Variants in TTC28 observed in about 807,000 individuals in gnomAD.
TTC28 encodes tetratricopeptide repeat domain 28.
In TTC28, 61 loss-of-function variants were observed where a neutral mutation model predicts 198.0. The observed-to-expected ratio is 0.31, with a 90% CI of 0.25 to 0.38. The LOEUF is 0.38. Among genes scored for constraint, TTC28 ranks in the 10% least tolerant of loss-of-function variants. The pLI is 1.00. For missense variants in TTC28, 2,678 were observed against 3,164.0 expected (o/e 0.85, Z 3.69); for synonymous variants, 1,171 against 1,297.8 (o/e 0.90, Z 2.10).
chr22:28,304,971 A>ATTTAT (rs374311864), intron 3 of TTC28, among the ~76,000 whole-genome samples: 7 of 147,884 alleles, frequency 4.7e-5, no homozygotes, highest in East Asian at 2.0e-4. Context: ...TTGTTTATTT[A>ATTTAT]TTATTTATTT....
chr22:28,113,911 G>A (rs1942559974), intron 6 of TTC28, among the ~76,000 whole-genome samples: 1 of 152,170 alleles, frequency 6.6e-6, no homozygotes, highest in Non-Finnish European at 1.5e-5. Flanking sequence ...TTTGGATCAG[G>A]AAACTGTTCC....
At chr22:28,671,663 A>G (rs2051889065) in intron 1 of TTC28, among the ~76,000 whole-genome samples, 1 of 145,590 alleles carries the variant, frequency 6.9e-6, no homozygotes, top group Admixed American at 6.9e-5. Flanking sequence ...AATTTCTTCC[A>G]TTATGTGGAT....
chr22:28,621,799 A>T (rs2051004927), intron 2 of TTC28, among the ~76,000 whole-genome samples: 1 of 151,646 alleles, frequency 6.6e-6, no homozygotes, highest in Non-Finnish European at 1.5e-5. Context: ...AAGAGTATGA[A>T]GGAATTATTT....
chr22:28,633,786 G>T (rs948455612), intron 1 of TTC28, among the ~76,000 whole-genome samples: 18 of 152,116 alleles, frequency 1.2e-4, no homozygotes, highest in African/African-American at 3.6e-4. Context: ...AGGTCCTCAG[G>T]AGACAAGGAT....
intron 2 of TTC28, among the ~76,000 whole-genome samples, chr22:28,457,480 C>G (rs1198708510): frequency 6.6e-6 from 1 of 152,196 alleles, no homozygotes; most frequent in Non-Finnish European, 1.5e-5. Flanking sequence ...TTCCAACCTA[C>G]AAGAAACCTA....
At chr22:28,071,693 C>A (rs1278847471) in intron 12 of TTC28, among the ~76,000 whole-genome samples, 1 of 138,944 alleles carries the variant, frequency 7.2e-6, no homozygotes, top group Non-Finnish European at 1.5e-5. Flanking sequence ...TGTAACTAAC[C>A]TGCACAATGT....
intron 2 of TTC28, among the ~76,000 whole-genome samples, chr22:28,319,782 A>C (rs1197327067): frequency 2.0e-5 from 3 of 152,182 alleles, no homozygotes; most frequent in African/African-American, 7.2e-5. Flanking sequence ...ATTTGAAGGG[A>C]AAAGAAAGAG....
intron 2 of TTC28, among the ~76,000 whole-genome samples, chr22:28,321,228 T>C (rs905120602): frequency 1.3e-5 from 2 of 152,206 alleles, no homozygotes; most frequent in African/African-American, 2.4e-5. Flanking sequence ...GAGTTGCAAG[T>C]ATAGTGGCCT....
chr22:28,366,720 A>C (rs1462783930), intron 2 of TTC28, among the ~76,000 whole-genome samples: 6 of 152,122 alleles, frequency 3.9e-5, no homozygotes, highest in Non-Finnish European at 8.8e-5. Flanking sequence ...AAAGATACAC[A>C]TAGACTGAAA....
chr22:28,055,128 A>G (rs142515860), intron 12 of TTC28, among the ~76,000 whole-genome samples: 14 of 152,340 alleles, frequency 9.2e-5, no homozygotes, highest in African/African-American at 3.4e-4. Context: ...CTGAGTTAAA[A>G]AGCAGTGAAA....
At position 28,475,157 on chromosome 22, in the gene TTC28, A is replaced by C. The variant is rs1395416527; in HGVS notation, c.381+154395T>G. 3.4e-5 allele frequency among the ~76,000 whole-genome samples: 5 copies of C among 148,714 alleles called. No individual in the cohort carries two copies. In the East Asian group the frequency reaches 9.7e-4, roughly 29 times the overall value. On this transcript the variant is annotated intron_variant, in intron 2 of 22. Transcript: ENST00000397906. Reference sequence around the variant, plus strand: ...AGAGCGAGACTCCATCTCAAAAAAAAAAAAAAAAAAAAAAAGAAAGAAAAG... The same window carrying C: ...AGAGCGAGACTCCATCTCAAAAAAACAAAAAAAAAAAAAAAGAAAGAAAAG...
intron 5 of TTC28, among the ~76,000 whole-genome samples, chr22:28,240,791 G>A (rs1929604669): frequency 6.6e-6 from 1 of 152,186 alleles, no homozygotes; most frequent in Non-Finnish European, 1.5e-5. Flanking sequence ...GAATAATGGA[G>A]ACAAGTCAAA....
At chr22:28,153,129 T>A (rs1601393175) in intron 6 of TTC28, among the ~76,000 whole-genome samples, 1 of 152,170 alleles carries the variant, frequency 6.6e-6, no homozygotes, top group South Asian at 2.1e-4. Context: ...GATTTTAATG[T>A]TCAAATATGA....
intron 2 of TTC28, among the ~76,000 whole-genome samples, chr22:28,392,025 G>A (rs1421475943): frequency 1.3e-5 from 2 of 152,164 alleles, no homozygotes; most frequent in African/African-American, 2.4e-5. Context: ...TTTTTGGTGT[G>A]GATGTCCTTT....
At chr22:28,542,135 A>G (rs891631512) in intron 2 of TTC28, among the ~76,000 whole-genome samples, 11 of 152,110 alleles carry the variant, frequency 7.2e-5, no homozygotes, top group African/African-American at 9.7e-5. Context: ...TACAAGCATA[A>G]GCCACCATAC....
chr22:28,657,955 T>A (rs916782684), intron 1 of TTC28, among the ~76,000 whole-genome samples: 1 of 152,170 alleles, frequency 6.6e-6, no homozygotes, highest in African/African-American at 2.4e-5. Context: ...TGGTCCATGT[T>A]CCTTAATATT....
At chr22:28,671,212 T>C (rs2051875576) in intron 1 of TTC28, among the ~76,000 whole-genome samples, 1 of 152,058 alleles carries the variant, frequency 6.6e-6, no homozygotes, top group African/African-American at 2.4e-5. Flanking sequence ...CCCAAAGTGC[T>C]AGGATTACAG....
At chr22:28,216,906 G>C (rs1381038912) in intron 5 of TTC28, among the ~76,000 whole-genome samples, 1 of 152,012 alleles carries the variant, frequency 6.6e-6, no homozygotes, top group African/African-American at 2.4e-5. Context: ...TTTTTGTAGA[G>C]ACAGGGTCTT....
chr22:28,283,348 A>C (rs2044621118), intron 5 of TTC28, among the ~76,000 whole-genome samples: 1 of 151,542 alleles, frequency 6.6e-6, no homozygotes, highest in African/African-American at 2.4e-5. Context: ...ACACACACAC[A>C]CCACAAGCCT....
Sources: allele counts gnomAD v4.1 joint callset (sites outside exome capture counted in the v4.1 genomes callset), GRCh38; gene constraint gnomAD v4.1.1; transcripts MANE v1.5; gene names NCBI Gene and HGNC (gene_info 2026-07-23, HGNC 2026-07-21).